The following PUDP variants were observed in gnomAD, a reference collection of about 807,000 sequenced individuals.
PUDP encodes the protein pseudouridine 5'-phosphatase, also known as pseudouridine-5'-phosphatase.
Under a neutral mutation model 9.4 loss-of-function variants are expected in PUDP, and 8 were observed. The ratio of observed to expected loss-of-function variants is 0.85; its 90% CI spans 0.50 to 1.53. PUDP has a LOEUF of 1.53. Ranked by LOEUF, PUDP falls within the 40% of genes most tolerant of loss-of-function variation. The pLI is 0.00. For synonymous variants in PUDP, 99 were observed against 80.7 expected, an observed-to-expected ratio of 1.23 and a Z score of -1.22; for missense variants, 188 against 189.7, an observed-to-expected ratio of 0.99 and a Z score of 0.05.
At chrX:6,754,873 G>T (rs1256227047) in intron 3 of PUDP, among the ~76,000 whole-genome samples, 3 of 111,311 alleles carry the variant, frequency 2.7e-5, no homozygotes, top group Non-Finnish European at 5.6e-5. Flanking sequence ...CACATTCTCA[G>T]CTGAGAATGA....
chrX:6,979,313 A>T (rs1471568715), intron 1 of PUDP, among the ~76,000 whole-genome samples: 1 of 110,153 alleles, frequency 9.1e-6, no homozygotes, highest in Non-Finnish European at 1.9e-5. Context: ...GTCCCCCACC[A>T]CCTCCTCCAC....
At chrX:6,813,622 T>C (rs1482764085) in intron 3 of PUDP, among the ~76,000 whole-genome samples, 1 of 111,523 alleles carries the variant, frequency 9.0e-6, no homozygotes, top group East Asian at 2.8e-4. Flanking sequence ...TTGAGACTAA[T>C]GCCCGAATCT....
chrX:6,950,712 CAGTT>C (rs1244913820), intron 3 of PUDP, among the ~76,000 whole-genome samples: 1 of 111,155 alleles, frequency 9.0e-6, no homozygotes, highest in Non-Finnish European at 1.9e-5. Context: ...GTCTGGCCAT[CAGTT>C]AGTCATTTCT....
chrX:7,103,984 T>C (rs976026623), intron 2 of PUDP, among the ~76,000 whole-genome samples: 38 of 112,106 alleles, frequency 3.4e-4, no homozygotes, highest in Middle Eastern at 4.6e-3. Context: ...TGGAAAACAA[T>C]ATGGTGGTCA....
At chrX:7,056,152 A>C (rs1005627123) in intron 3 of PUDP, among the ~76,000 whole-genome samples, 17 of 112,821 alleles carry the variant, frequency 1.5e-4, no homozygotes, top group African/African-American at 5.5e-4. Flanking sequence ...TGTAGAAAGA[A>C]ACTTTTCTCT....
chrX:6,748,720 G>A (rs1466535498), intron 3 of PUDP, among the ~76,000 whole-genome samples: 1 of 112,006 alleles, frequency 8.9e-6, no homozygotes, highest in Non-Finnish European at 1.9e-5. Context: ...GGTCATTGAC[G>A]AGTGACCTTG....
intron 3 of PUDP, among the ~76,000 whole-genome samples, chrX:6,925,967 T>C (rs1442816508): frequency 9.0e-6 from 1 of 111,039 alleles, no homozygotes; most frequent in Non-Finnish European, 1.9e-5. Context: ...CCACAAAGAG[T>C]CTGTTTTGTC....
At chrX:7,014,553 G>A (rs1423047992) in intron 1 of PUDP, among the ~76,000 whole-genome samples, 4 of 111,408 alleles carry the variant, frequency 3.6e-5, no homozygotes, top group Non-Finnish European at 5.6e-5. Context: ...ATTTTAAAAC[G>A]AATCGAATAC....
At chrX:6,905,378 T>C (rs1927751620) in intron 3 of PUDP, among the ~76,000 whole-genome samples, 1 of 111,675 alleles carries the variant, frequency 9.0e-6, no homozygotes, top group African/African-American at 3.3e-5. Flanking sequence ...TATTAATCCA[T>C]CTTCACAGCA....
At chrX:6,822,001 T>C (rs767401225) in intron 3 of PUDP, among the ~76,000 whole-genome samples, 1 of 111,768 alleles carries the variant, frequency 8.9e-6, no homozygotes, top group Admixed American at 9.4e-5. Context: ...AAATCAGACT[T>C]TACCTCCTCA....
chrX:6,773,967 T>C (rs5948759), intron 3 of PUDP, among the ~76,000 whole-genome samples: 27,814 of 110,221 alleles, frequency 0.25, 2,572 homozygotes, highest in East Asian at 0.44. Flanking sequence ...GGTGAAACCC[T>C]GTCTCTACTA....
chrX:6,904,196 T>G (rs1047354247), intron 3 of PUDP, among the ~76,000 whole-genome samples: 1 of 110,082 alleles, frequency 9.1e-6, no homozygotes, highest in East Asian at 2.9e-4. Flanking sequence ...AGGTGATCCA[T>G]CCGCCTCAGC....
At chrX:7,077,762 A>G (rs766224224) in intron 2 of PUDP, among the ~76,000 whole-genome samples, 88 of 112,853 alleles carry the variant, frequency 7.8e-4, no homozygotes, top group Non-Finnish European at 1.3e-3. Context: ...GGAGAAGGGC[A>G]GAGAGCAGGC....
intron 3 of PUDP, among the ~76,000 whole-genome samples, chrX:7,052,482 G>A (rs890490321): frequency 1.9e-4 from 21 of 112,238 alleles, no homozygotes; most frequent in Admixed American, 1.6e-3. Flanking sequence ...GGCGTTTTCA[G>A]TAGAAAACAC....
At chrX:6,988,444 T>C (rs181617807) in intron 1 of PUDP, among the ~76,000 whole-genome samples, 23 of 112,267 alleles carry the variant, frequency 2.0e-4, no homozygotes, top group African/African-American at 7.4e-4. Flanking sequence ...AAATTATCAC[T>C]AGACCAACTC....
intron 2 of PUDP, among the ~76,000 whole-genome samples, chrX:7,082,859 G>T (rs1447510424): frequency 8.9e-6 from 1 of 112,986 alleles, no homozygotes; most frequent in Non-Finnish European, 1.9e-5. Flanking sequence ...AGCTTTGTGT[G>T]ACTGAGAGCA....
chrX:7,075,747 C>T (rs1222599681), intron 3 of PUDP, among the ~76,000 whole-genome samples: 1 of 111,647 alleles, frequency 9.0e-6, no homozygotes, highest in Non-Finnish European at 1.9e-5. Context: ...AGCATTGCAA[C>T]CACCCGCCAT....
Position 7,126,966 on chromosome X carries a change from T to C in PUDP, c.61+21087A>G, listed in dbSNP as rs1166152146. 4.5e-5 allele frequency among the ~76,000 whole-genome samples: 5 copies of C among 112,122 alleles called. No homozygotes were observed. In the East Asian group the frequency reaches 1.4e-3, roughly 32 times the overall value. On this transcript the variant is annotated intron_variant, in intron 1 of 3. Coordinates refer to ENST00000381077, the MANE Select transcript of PUDP (RefSeq NM_012080.5). ...GAATACATATTTGCATATGTATAAA[T>C]TGGTTCGAGTATCTCAGATTTTATG...
At position 7,111,991 on chromosome X, in the gene PUDP, TA is replaced by T. The variant is rs5901334; in HGVS notation, c.62-6154del. Among the ~76,000 whole-genome samples, 402 of 97,976 alleles carry T rather than the reference TA, an allele frequency of 4.1e-3. 1 individual carries two copies. The highest frequency in any genetic ancestry group is 8.4e-3 in the African/African-American group (227 of 26,999). 85.1% of individuals were successfully genotyped at this position (97,976 alleles called of 115,157 possible). A position where few individuals can be genotyped will look rare whatever the true frequency, so the allele number is the denominator to read the frequency against. ...AGTGCCTCCTACCAAATATTTTGCT[TA>T]AAAAAAAAAAAAAGCAAACAAAACT... On this transcript the variant is annotated intron_variant, in intron 1 of 3. Transcript: ENST00000381077.
Sources: gnomAD v4.1 joint callset for allele counts (sites outside exome capture counted in the v4.1 genomes callset) on GRCh38, gnomAD v4.1.1 for gene constraint, MANE v1.5 for transcripts, NCBI Gene and HGNC (gene_info 2026-07-23, HGNC 2026-07-21) for gene names.